The following ZNF786 variants were observed in gnomAD, a reference collection of about 807,000 sequenced individuals.
The protein encoded by ZNF786 is zinc finger protein 786.
In ZNF786, 56 loss-of-function variants were observed where a neutral mutation model predicts 63.1. That is an observed-to-expected ratio of 0.89 (90% CI 0.72 to 1.11). The LOEUF (loss-of-function observed/expected upper bound fraction) is 1.11. ZNF786 is among the 50% of genes least tolerant of loss of function. The pLI is 0.00. For synonymous variants in ZNF786, 485 were observed against 406.9 expected, an observed-to-expected ratio of 1.19 and a Z score of -2.31; for missense variants, 1,213 against 1,041.8, an observed-to-expected ratio of 1.16 and a Z score of -2.26.
At chr7:149,083,432 G>C (rs999438916) in intron 1 of ZNF786, among the ~76,000 whole-genome samples, 1 of 151,922 alleles carries the variant, frequency 6.6e-6, no homozygotes, top group African/African-American at 2.4e-5. Flanking sequence ...AGCCAGGCTG[G>C]TCTCGAACTT....
intron 1 of ZNF786, among the ~76,000 whole-genome samples, chr7:149,083,939 C>T (rs944093796): frequency 6.6e-6 from 1 of 152,152 alleles, no homozygotes; most frequent in African/African-American, 2.4e-5. Context: ...CATTGATGGG[C>T]ATTTAGGTTG....
In ZNF786 at chr7:149,071,885, G is replaced by A. The variant is rs1825428205; in HGVS notation, c.887C>T (p.Ala296Val). The A allele has an allele frequency of 6.2e-7, 1 of 1,602,906 alleles. No individual in the cohort carries two copies. Among genetic ancestry groups the A allele is most frequent in the Non-Finnish European group, 8.5e-7 (1 of 1,176,720 alleles). ...HRLPQQGEKPAQCTPCGKRSL... is the reference protein window; with the variant it reads ...HRLPQQGEKPVQCTPCGKRSL... ...GCGCTTGCCGCATGGGGTGCACTGGGCAGGCTTCTCCCCCTGCTGCGGGAG... is the reference window on the plus strand; with the variant it reads ...GCGCTTGCCGCATGGGGTGCACTGGACAGGCTTCTCCCCCTGCTGCGGGAG... Residue 296 changes from alanine (A) to valine (V), a missense_variant, in exon 4 of 4, where the codon GCC (alanine) becomes GTC (valine). Ala to Val is a moderately conservative substitution (Grantham distance 64, BLOSUM62 0). Coordinates refer to ENST00000491431, the MANE Select transcript of ZNF786 (RefSeq NM_152411.4).
intron 2 of ZNF786, among the ~76,000 whole-genome samples, chr7:149,080,367 C>T (rs1320159852): frequency 2.0e-5 from 3 of 152,088 alleles, no homozygotes; most frequent in Non-Finnish European, 2.9e-5. Flanking sequence ...TTTAGTCACC[C>T]GGACCACCTT....
At position 149,071,877 on chromosome 7, in the gene ZNF786, T is replaced by C. The variant is rs1321404328; in HGVS notation, c.895A>G (p.Thr299Ala). ...GGGAGGGAGCGCTTGCCGCATGGGG[T>C]GCACTGGGCAGGCTTCTCCCCCTGC... ...PQQGEKPAQC[T>A]PCGKRSLPVD... The change falls in exon 4 of 4, where the codon ACC becomes GCC. Residue 299 changes from threonine to alanine, a missense_variant. Transcript: ENST00000491431. The C allele has an allele frequency of 2.5e-6, 4 of 1,601,012 alleles. No individual in the cohort carries two copies. Among genetic ancestry groups the C allele is most frequent in the Non-Finnish European group, 3.4e-6 (4 of 1,176,044 alleles).
At chr7:149,073,700 TAC>T (rs1354177298) in intron 3 of ZNF786, among the ~76,000 whole-genome samples, 16 of 146,494 alleles carry the variant, frequency 1.1e-4, no homozygotes, top group African/African-American at 3.5e-4. Flanking sequence ...CATATGTATA[TAC>T]ACGTGTGTGT....
At chr7:149,075,508 G>A (rs186852253) in intron 2 of ZNF786, among the ~76,000 whole-genome samples, 15 of 152,110 alleles carry the variant, frequency 9.9e-5, no homozygotes, top group African/African-American at 2.7e-4. Flanking sequence ...GAGTCTCAAA[G>A]TGCTGCGATT....
At chr7:149,084,266 G>A (rs905507726) in intron 1 of ZNF786, among the ~76,000 whole-genome samples, 3 of 149,582 alleles carry the variant, frequency 2.0e-5, no homozygotes, top group African/African-American at 7.4e-5. Context: ...GGAGGCTAAA[G>A]CAGGAGAATT....
chr7:149,074,561 G>A (rs1825508837), intron 2 of ZNF786, 23 bp from the exon 3 acceptor site: 2 of 1,598,270 alleles, frequency 1.3e-6, no homozygotes, highest in African/African-American at 2.7e-5. Flanking sequence ...GTCAGACAGG[G>A]TAGTTTGGCT....
Position 149,080,632 on chromosome 7 carries a change from T to C in ZNF786, c.104A>G (p.Lys35Arg), listed in dbSNP as rs1318867678. 3.1e-6 allele frequency: 5 copies of C among 1,612,868 alleles called. No individual in the cohort carries two copies. Among genetic ancestry groups the C allele is most frequent in the Non-Finnish European group, 3.4e-6 (4 of 1,179,700 alleles). ...CTCATAATTGCTTCTCATCACATGC[T>C]TGTAAAGTTCCTTCTGCCATGCCTC... ...DLEAWQKELY[K>R]HVMRSNYETL... Residue 35 changes from lysine to arginine, a missense_variant, in exon 2 of 4, where the codon AAG (lysine) becomes AGG (arginine). By Grantham distance (26) the Lys-to-Arg change is conservative. Coordinates refer to ENST00000491431, the MANE Select transcript of ZNF786 (RefSeq NM_152411.4).
In ZNF786 at chr7:149,089,408, G is replaced by A. The variant is rs1386756276; in HGVS notation, c.18+1215C>T. Among the ~76,000 whole-genome samples the A allele has an allele frequency of 9.9e-5, 15 of 151,984 alleles. No individual in the cohort carries two copies. In the South Asian group the frequency reaches 1.5e-3, roughly 15 times the overall value. On this transcript the variant is annotated intron_variant, in intron 1 of 3. Coordinates refer to ENST00000491431, the MANE Select transcript of ZNF786 (RefSeq NM_152411.4). ...CAGTTCGCTGCAACCTCCACCTCCC[G>A]AGTTCAAGCAATTCTCCCTACCTCA...
chr7:149,080,835 G>C, intron 1 of ZNF786, 118 bp from the exon 2 acceptor site: 1 of 1,240,026 alleles, frequency 8.1e-7, no homozygotes, highest in Non-Finnish European at 1.1e-6. Context: ...TTGTTCAGCA[G>C]CTTCTTCCTG....
At chr7:149,085,195 C>A (rs1452111509) in intron 1 of ZNF786, among the ~76,000 whole-genome samples, 3 of 152,044 alleles carry the variant, frequency 2.0e-5, no homozygotes, top group African/African-American at 7.3e-5. Flanking sequence ...GTTACTGTAG[C>A]CTTGTATAGT....
chr7:149,082,479 ACT>A (rs1273597183), intron 1 of ZNF786: 34 of 866,574 alleles, frequency 3.9e-5, no homozygotes, highest in East Asian at 3.8e-4. Context: ...AATTTAAAAC[ACT>A]CTAATTACAT....
At position 149,071,636 on chromosome 7, in the gene ZNF786, G is replaced by A. The variant is rs775608140; in HGVS notation, c.1136C>T (p.Pro379Leu). Reference protein sequence around the residue: ...CSCSECGERSPMSARLASPCR... With the variant: ...CSCSECGERSLMSARLASPCR... Reference sequence around the variant, plus strand: ...GGGGCTGGCGAGCCTGGCGCTCATAGGGGAGCGCTCGCCACACTCCGAGCA... The same window carrying A: ...GGGGCTGGCGAGCCTGGCGCTCATAAGGGAGCGCTCGCCACACTCCGAGCA... The change falls in exon 4 of 4, where the codon CCT becomes CTT. Residue 379 changes from proline (P) to leucine (L), a missense_variant. Physicochemically the swap from Pro to Leu is moderately conservative, Grantham distance 98 (BLOSUM62 -3). Coordinates refer to ENST00000491431, the MANE Select transcript of ZNF786 (RefSeq NM_152411.4). 1 of 1,580,610 alleles carries A rather than the reference G, an allele frequency of 6.3e-7. No homozygotes were observed.
At chr7:149,073,724 C>CGTGTGTGTGTGTGT (rs375323153) in intron 3 of ZNF786, among the ~76,000 whole-genome samples, 30 of 67,890 alleles carry the variant, frequency 4.4e-4, no homozygotes, top group East Asian at 8.6e-4. Context: ...TATATGTGTG[C>CGTGTGTGTGTGTGT]GTGTGTGTGT....
At chr7:149,088,992 T>C (rs1825784728) in intron 1 of ZNF786, among the ~76,000 whole-genome samples, 1 of 151,006 alleles carries the variant, frequency 6.6e-6, no homozygotes, top group Non-Finnish European at 1.5e-5. Context: ...AGTCTTGCTC[T>C]GTCGCCCAGG....
At chr7:149,088,052 G>T (rs994147768) in intron 1 of ZNF786, among the ~76,000 whole-genome samples, 2 of 149,422 alleles carry the variant, frequency 1.3e-5, no homozygotes, top group Non-Finnish European at 3.0e-5. Flanking sequence ...ACCCAGGCTG[G>T]AATGCATTGA....
chr7:149,078,556 T>C (rs1008917953), intron 2 of ZNF786, among the ~76,000 whole-genome samples: 2 of 151,952 alleles, frequency 1.3e-5, no homozygotes, highest in Non-Finnish European at 2.9e-5. Context: ...TGGTGGCGCA[T>C]GCCTGTAATC....
rs753890677 is a variant in ZNF786, at chr7:149,071,248, C to T, written c.1524G>A (p.Pro508=). The T allele has an allele frequency of 9.3e-6, 15 of 1,612,112 alleles. No homozygotes were observed. The South Asian group carries it at 1.1e-4, about 12-fold the overall frequency. ...CTCTGCCACACTCGCTACAGGAGAACGGCCTCTCCCCACCGTGCCGGAGCC... is the reference window on the plus strand; with the variant it reads ...CTCTGCCACACTCGCTACAGGAGAATGGCCTCTCCCCACCGTGCCGGAGCC... ...AHRLRHGGER[P]FSCSECGRGF... is the part of the protein sequence containing the mutation. Residue 508 remains proline, a synonymous_variant, in exon 4 of 4, where the codon CCG becomes CCA. Coordinates refer to ENST00000491431, the MANE Select transcript of ZNF786 (RefSeq NM_152411.4).
Sources: allele counts gnomAD v4.1 joint callset (sites outside exome capture counted in the v4.1 genomes callset), GRCh38; gene constraint gnomAD v4.1.1; transcripts MANE v1.5; gene names NCBI Gene and HGNC (gene_info 2026-07-23, HGNC 2026-07-21).